NALF1: variants seen among roughly 807,000 people sequenced by gnomAD.
NALF1 encodes the protein family with sequence similarity 155 member A.
A neutral mutation model predicts 48.4 loss-of-function variants in NALF1; 3 were observed. The ratio of observed to expected loss-of-function variants is 0.06; its 90% CI spans 0.03 to 0.16. The LOEUF is 0.16. Ranked by LOEUF, NALF1 falls within the 10% of genes least tolerant of loss-of-function variation. The pLI is 1.00. For missense variants in NALF1, 526 were observed against 571.5 expected (o/e 0.92, Z 0.81); for synonymous variants, 262 against 245.7 (o/e 1.07, Z -0.62).
chr13:107,371,451 T>C (rs1883246976), intron 1 of NALF1, among the ~76,000 whole-genome samples: 1 of 126,850 alleles, frequency 7.9e-6, no homozygotes, highest in South Asian at 2.8e-4. Context: ...GTCTAAAAAA[T>C]AAAAATAAAA....
Position 107,280,889 on chromosome 13 carries a change from A to G in NALF1, c.916-70134T>C, listed in dbSNP as rs531643412. Reference sequence around the variant, plus strand: ...CCTGATTTTTCTAATGAGCTAAAGGAAGGCACATGATCAAAAAGAGAAAGT... The same window carrying G: ...CCTGATTTTTCTAATGAGCTAAAGGGAGGCACATGATCAAAAAGAGAAAGT... On this transcript the variant is annotated intron_variant, in intron 1 of 2. Coordinates refer to ENST00000375915, the MANE Select transcript of NALF1 (RefSeq NM_001080396.3). Among the ~76,000 whole-genome samples, 344 of 152,364 alleles carry G rather than the reference A, an allele frequency of 2.3e-3. 2 individuals carry two copies. Among genetic ancestry groups the G allele is most frequent in the African/African-American group, 7.7e-3 (321 of 41,586 alleles).
chr13:107,698,793 C>T (rs1371273574), intron 1 of NALF1, among the ~76,000 whole-genome samples: 1 of 152,104 alleles, frequency 6.6e-6, no homozygotes, highest in Admixed American at 6.6e-5. Context: ...AGATATGAGA[C>T]AAACTGTATC....
intron 1 of NALF1, among the ~76,000 whole-genome samples, chr13:107,218,118 G>A (rs527825974): frequency 2.8e-4 from 42 of 152,092 alleles, no homozygotes; most frequent in Non-Finnish European, 5.6e-4. Context: ...CACTCGATGT[G>A]CAGCGTGCCC....
intron 1 of NALF1, among the ~76,000 whole-genome samples, chr13:107,341,865 A>G (rs1882688527): frequency 6.9e-6 from 1 of 145,238 alleles, no homozygotes; most frequent in South Asian, 2.2e-4. Flanking sequence ...CAGATAAACT[A>G]TATTTGCACA....
chr13:107,364,173 T>C (rs191861849), intron 1 of NALF1, among the ~76,000 whole-genome samples: 48 of 152,364 alleles, frequency 3.2e-4, no homozygotes, highest in African/African-American at 1.1e-3. Flanking sequence ...GAGCTTACAA[T>C]GCTCAAAACA....
At chr13:107,374,962 G>C (rs1188043323) in intron 1 of NALF1, among the ~76,000 whole-genome samples, 2 of 152,104 alleles carry the variant, frequency 1.3e-5, no homozygotes, top group East Asian at 1.9e-4. Context: ...TATTCTCTTA[G>C]AGCAGCACAA....
At chr13:107,176,316 GTTTTTTTTTTT>G (rs5806633) in intron 2 of NALF1, among the ~76,000 whole-genome samples, 1 of 123,606 alleles carries the variant, frequency 8.1e-6, no homozygotes, top group Admixed American at 8.3e-5. Flanking sequence ...CAACCTCACA[GTTTTTTTTTTT>G]TTTTTTTTTT....
chr13:107,525,992 T>C lies in NALF1; in HGVS notation c.916-315237A>G, dbSNP rs1039310468. On this transcript the variant is annotated intron_variant, in intron 1 of 2. Coordinates refer to ENST00000375915, the MANE Select transcript of NALF1 (RefSeq NM_001080396.3). The stretch of plus-strand genomic sequence containing the variant: ...CATTTTTTAATTGGTTTGTTTCTGT[T>C]TTCTAAACCATTGAGTTTTAAGTGA... Among the ~76,000 whole-genome samples the C allele has an allele frequency of 2.0e-5, 3 of 152,138 alleles. No homozygotes were observed. The East Asian group carries it at 5.8e-4, about 29-fold the overall frequency.
At chr13:107,833,373 A>G (rs887725931) in intron 1 of NALF1, among the ~76,000 whole-genome samples, 2 of 152,152 alleles carry the variant, frequency 1.3e-5, no homozygotes, top group African/African-American at 4.8e-5. Flanking sequence ...CTGTTGTCCA[A>G]TGTGCATTCA....
At chr13:107,678,964 T>C (rs534935761) in intron 1 of NALF1, among the ~76,000 whole-genome samples, 2 of 152,150 alleles carry the variant, frequency 1.3e-5, no homozygotes, top group African/African-American at 2.4e-5. Flanking sequence ...CAGGAGGCTA[T>C]AGATAAAGTG....
chr13:107,284,184 GA>G (rs1359614707), intron 1 of NALF1, among the ~76,000 whole-genome samples: 1 of 152,088 alleles, frequency 6.6e-6, no homozygotes, highest in Non-Finnish European at 1.5e-5. Flanking sequence ...TATACAGGGG[GA>G]ATTTAGAAAG....
intron 1 of NALF1, among the ~76,000 whole-genome samples, chr13:107,543,396 C>T (rs73591176): frequency 0.11 from 17,041 of 151,908 alleles, 1,302 homozygotes; most frequent in Admixed American, 0.19. Context: ...TTCAGGCTCA[C>T]TCACAGAGAA....
chr13:107,336,753 GTC>G (rs1169817719), intron 1 of NALF1, among the ~76,000 whole-genome samples: 1 of 152,100 alleles, frequency 6.6e-6, no homozygotes, highest in Non-Finnish European at 1.5e-5. Flanking sequence ...ATAATCTACA[GTC>G]TAATTATAAA....
At chr13:107,821,278 T>C (rs555794711) in intron 1 of NALF1, among the ~76,000 whole-genome samples, 1 of 152,366 alleles carries the variant, frequency 6.6e-6, no homozygotes, top group East Asian at 1.9e-4. Context: ...GAAATACCAA[T>C]GTGCTCAAAT....
chr13:107,224,368 A>G (rs759765006), intron 1 of NALF1, among the ~76,000 whole-genome samples: 80 of 150,916 alleles, frequency 5.3e-4, no homozygotes, highest in Non-Finnish European at 4.1e-4. Flanking sequence ...ACATTCATCA[A>G]TAAGATATGT....
intron 1 of NALF1, among the ~76,000 whole-genome samples, chr13:107,399,499 G>GA (rs1426982231): frequency 6.6e-6 from 1 of 151,902 alleles, no homozygotes; most frequent in African/African-American, 2.4e-5. Context: ...TCCAGTTAAT[G>GA]AAAGAGAGAG....
chr13:107,356,832 A>G (rs1412668391), intron 1 of NALF1, among the ~76,000 whole-genome samples: 1 of 152,226 alleles, frequency 6.6e-6, no homozygotes, highest in Non-Finnish European at 1.5e-5. Flanking sequence ...GGACCAACAC[A>G]TTTCAAAACA....
At chr13:107,263,032 G>T (rs1880964743) in intron 1 of NALF1, among the ~76,000 whole-genome samples, 1 of 152,110 alleles carries the variant, frequency 6.6e-6, no homozygotes, top group Admixed American at 6.5e-5. Context: ...GGGTAGCAAA[G>T]GTGAGGAAGA....
intron 1 of NALF1, among the ~76,000 whole-genome samples, chr13:107,728,233 G>C (rs977860010): frequency 6.6e-6 from 1 of 152,136 alleles, no homozygotes; most frequent in Non-Finnish European, 1.5e-5. Context: ...ACATGCCCAT[G>C]TATGTTTACT....
Sources: allele counts gnomAD v4.1 joint callset (sites outside exome capture counted in the v4.1 genomes callset), GRCh38; gene constraint gnomAD v4.1.1; transcripts MANE v1.5; gene names NCBI Gene and HGNC (gene_info 2026-07-23, HGNC 2026-07-21).